The following CALN1 variants were observed in gnomAD, a reference collection of about 807,000 sequenced individuals.
The protein encoded by CALN1 is calneuron 1.
Under a neutral mutation model 30.6 loss-of-function variants are expected in CALN1, and 17 were observed. The ratio of observed to expected loss-of-function variants is 0.56; its 90% CI spans 0.38 to 0.83. The LOEUF (loss-of-function observed/expected upper bound fraction) is 0.83. CALN1 is among the 40% of genes least tolerant of loss of function. The probability of loss-of-function intolerance (pLI) is 0.00; values close to 1 mark genes in which losing one functional copy is unlikely to be tolerated. For synonymous variants in CALN1, 156 were observed against 131.4 expected, an observed-to-expected ratio of 1.19 and a Z score of -1.28; for missense variants, 291 against 354.9, an observed-to-expected ratio of 0.82 and a Z score of 1.45.
intron 5 of CALN1, among the ~76,000 whole-genome samples, chr7:71,857,531 C>G (rs1791026667): frequency 6.6e-6 from 1 of 152,048 alleles, no homozygotes; most frequent in Non-Finnish European, 1.5e-5. Context: ...GGGAGATTTA[C>G]CCACATCCAT....
intron 2 of CALN1, among the ~76,000 whole-genome samples, chr7:72,392,135 T>C (rs1805617212): frequency 6.6e-6 from 1 of 152,202 alleles, no homozygotes; most frequent in East Asian, 1.9e-4. Context: ...ACAAGCCACA[T>C]GGCAAAACCA....
intron 5 of CALN1, among the ~76,000 whole-genome samples, chr7:71,892,132 T>G (rs1417193372): frequency 6.6e-6 from 1 of 152,200 alleles, no homozygotes; most frequent in Non-Finnish European, 1.5e-5. Flanking sequence ...CACAGAACCT[T>G]GGCCACATTG....
At chr7:72,050,191 A>G (rs2129535670) in intron 4 of CALN1, among the ~76,000 whole-genome samples, 1 of 152,266 alleles carries the variant, frequency 6.6e-6, no homozygotes, top group East Asian at 1.9e-4. Flanking sequence ...TGACCTCTGT[A>G]AGATTATGCC....
chr7:72,060,697 C>A (rs1009145819), intron 4 of CALN1, among the ~76,000 whole-genome samples: 1 of 152,116 alleles, frequency 6.6e-6, no homozygotes, highest in African/African-American at 2.4e-5. Context: ...TGGCTTGGTG[C>A]TCTCCCCACC....
intron 5 of CALN1, among the ~76,000 whole-genome samples, chr7:71,971,950 A>G (rs1797834069): frequency 5.4e-5 from 6 of 111,228 alleles, no homozygotes; most frequent in African/African-American, 2.7e-4. Context: ...AAAAAAAAAA[A>G]AAAAAAGAAA....
intron 3 of CALN1, among the ~76,000 whole-genome samples, chr7:72,110,274 GA>G: frequency 6.6e-6 from 1 of 152,306 alleles, no homozygotes; most frequent in East Asian, 1.9e-4. Flanking sequence ...GCCTGGAAAT[GA>G]GGACCCGGAC....
intron 5 of CALN1, among the ~76,000 whole-genome samples, chr7:71,944,289 A>G (rs1365564501): frequency 6.6e-6 from 1 of 152,122 alleles, no homozygotes; most frequent in African/African-American, 2.4e-5. Context: ...TCTATTTTAA[A>G]AAACAAAAAA....
intron 4 of CALN1, among the ~76,000 whole-genome samples, chr7:72,095,842 G>T (rs1225074075): frequency 1.3e-5 from 2 of 151,992 alleles, no homozygotes; most frequent in Non-Finnish European, 2.9e-5. Context: ...CACCAGCCTG[G>T]GCAACATAGC....
At chr7:72,317,775 C>T (rs1800587600) in intron 2 of CALN1, among the ~76,000 whole-genome samples, 1 of 152,164 alleles carries the variant, frequency 6.6e-6, no homozygotes, top group African/African-American at 2.4e-5. Context: ...CTCAATGTCT[C>T]CCTCCAAGAG....
At chr7:72,483,245 T>G in the CALN1 span, among the ~76,000 whole-genome samples, 7 of 144,094 alleles carry the variant, frequency 4.9e-5, no homozygotes, top group East Asian at 3.9e-4. Flanking sequence ...TGTTTGTTTG[T>G]TTGGTTTGGT....
At chr7:72,274,481 C>G (rs1339567426) in intron 3 of CALN1, among the ~76,000 whole-genome samples, 1 of 148,926 alleles carries the variant, frequency 6.7e-6, no homozygotes, top group East Asian at 2.0e-4. Flanking sequence ...GCACTCCAGC[C>G]TCGGTGAGAG....
intron 2 of CALN1, among the ~76,000 whole-genome samples, chr7:72,391,096 C>T (rs1048170903): frequency 3.3e-5 from 5 of 152,236 alleles, no homozygotes; most frequent in African/African-American, 4.8e-5. Flanking sequence ...GTGTGTTAAT[C>T]GGCTTGTGGA....
intron 5 of CALN1, among the ~76,000 whole-genome samples, chr7:71,866,982 T>C (rs1476429959): frequency 1.3e-5 from 2 of 151,922 alleles, no homozygotes; most frequent in Admixed American, 6.6e-5. Flanking sequence ...CCGTCTCTAC[T>C]AAAAATACAA....
chr7:72,409,733 T>C (rs570702183), intron 1 of CALN1, among the ~76,000 whole-genome samples: 2 of 152,092 alleles, frequency 1.3e-5, no homozygotes, highest in South Asian at 2.1e-4. Context: ...GGTTAAATGG[T>C]TTTTAGCCTC....
chr7:72,214,111 T>C (rs372396802), intron 3 of CALN1, among the ~76,000 whole-genome samples: 1 of 152,340 alleles, frequency 6.6e-6, no homozygotes, highest in African/African-American at 2.4e-5. Context: ...CAATGAATGA[T>C]GCACAAACAG....
At chr7:71,862,267 A>C (rs1186245022) in intron 5 of CALN1, among the ~76,000 whole-genome samples, 1 of 152,168 alleles carries the variant, frequency 6.6e-6, no homozygotes, top group Non-Finnish European at 1.5e-5. Context: ...AAGGCCCAAG[A>C]ATGCTGATAC....
At chr7:72,383,588 TTC>T (rs1805038791) in intron 2 of CALN1, among the ~76,000 whole-genome samples, 1 of 152,192 alleles carries the variant, frequency 6.6e-6, no homozygotes, top group Non-Finnish European at 1.5e-5. Flanking sequence ...CCGTCTTCAC[TTC>T]TGTCCCCAGC....
At chr7:71,889,726 G>A (rs535057311) in intron 5 of CALN1, among the ~76,000 whole-genome samples, 31 of 152,262 alleles carry the variant, frequency 2.0e-4, no homozygotes, top group Admixed American at 1.8e-3. Flanking sequence ...AGGCTGAGGT[G>A]GGCAGATCAC....
At chr7:72,209,984 A>G (rs954732641) in intron 3 of CALN1, among the ~76,000 whole-genome samples, 1 of 152,200 alleles carries the variant, frequency 6.6e-6, no homozygotes, top group East Asian at 1.9e-4. Flanking sequence ...AAACAAAGTC[A>G]TAAGAGGGTG....
Sources: allele counts gnomAD v4.1 joint callset (sites outside exome capture counted in the v4.1 genomes callset), GRCh38; gene constraint gnomAD v4.1.1; transcripts MANE v1.5; gene names NCBI Gene and HGNC (gene_info 2026-07-23, HGNC 2026-07-21).